Variants in ACOXL observed in about 807,000 individuals in gnomAD.
ACOXL encodes acyl-CoA oxidase like.
Under a neutral mutation model 71.9 loss-of-function variants are expected in ACOXL, and 70 were observed. The ratio of observed to expected loss-of-function variants is 0.97; its 90% CI spans 0.80 to 1.19. ACOXL has a LOEUF of 1.19. Ranked by LOEUF, ACOXL falls within the 50% of genes most tolerant of loss-of-function variation. The pLI, the probability that ACOXL is intolerant of heterozygous loss-of-function variation, is 0.00. For synonymous variants in ACOXL, 253 were observed against 281.6 expected (o/e 0.90, Z 1.02); for missense variants, 703 against 736.3 (o/e 0.95, Z 0.52).
chr2:110,948,703 TA>T (rs5833377), intron 12 of ACOXL, among the ~76,000 whole-genome samples: 16,771 of 70,824 alleles, frequency 0.24, 1,228 homozygotes, highest in South Asian at 0.28. Context: ...CCAGAAGAAC[TA>T]AAAAAAAAAA....
intron 11 of ACOXL, among the ~76,000 whole-genome samples, chr2:110,921,607 A>T (rs2060080659): frequency 6.6e-6 from 1 of 151,772 alleles, no homozygotes; most frequent in Non-Finnish European, 1.5e-5. Flanking sequence ...GTTAGCCAGG[A>T]TGGTCTCAAT....
At chr2:111,088,357 A>C (rs985374901) in intron 16 of ACOXL, among the ~76,000 whole-genome samples, 6 of 152,254 alleles carry the variant, frequency 3.9e-5, no homozygotes, top group Admixed American at 2.0e-4. Context: ...TGTTCACTGC[A>C]GCACCATTCA....
intron 16 of ACOXL, among the ~76,000 whole-genome samples, chr2:111,092,251 C>A (rs148760220): frequency 6.8e-4 from 104 of 152,170 alleles, no homozygotes; most frequent in African/African-American, 2.4e-3. Context: ...TATTGAATAT[C>A]GAGAGTTACG....
intron 9 of ACOXL, among the ~76,000 whole-genome samples, chr2:110,808,836 G>A (rs1686974354): frequency 6.6e-6 from 1 of 152,214 alleles, no homozygotes; most frequent in African/African-American, 2.4e-5. Context: ...AGCAACTCAT[G>A]TGCAATAGGT....
At chr2:111,029,533 T>G (rs745458651) in intron 14 of ACOXL, among the ~76,000 whole-genome samples, 6 of 152,258 alleles carry the variant, frequency 3.9e-5, no homozygotes, top group Non-Finnish European at 7.3e-5. Context: ...TGAGGATCAC[T>G]GTGAAGCCCG....
chr2:110,991,704 G>T (rs1366800653), intron 13 of ACOXL, among the ~76,000 whole-genome samples: 6 of 151,190 alleles, frequency 4.0e-5, no homozygotes, highest in Non-Finnish European at 7.4e-5. Flanking sequence ...TTTTTTTATT[G>T]CTGCTCAGGA....
chr2:110,768,112 A>G (rs1178756881), intron 1 of ACOXL, among the ~76,000 whole-genome samples: 1 of 152,172 alleles, frequency 6.6e-6, no homozygotes, highest in Non-Finnish European at 1.5e-5. Flanking sequence ...AGCCTAGGCA[A>G]CAGAGTGAGA....
At chr2:110,996,137 T>TA in intron 14 of ACOXL, 133 bp downstream of exon 14, 1 of 702,312 alleles carries the variant, frequency 1.4e-6, no homozygotes, top group Non-Finnish European at 2.4e-6. Context: ...CTAGAGTTCC[T>TA]ACGGGCCATT....
At chr2:110,899,596 G>C (rs1310870808) in intron 10 of ACOXL, among the ~76,000 whole-genome samples, 1 of 152,094 alleles carries the variant, frequency 6.6e-6, no homozygotes, top group African/African-American at 2.4e-5. Flanking sequence ...GATGACGGAA[G>C]GTGTTTCTTC....
intron 17 of ACOXL, among the ~76,000 whole-genome samples, chr2:111,116,936 GCCTT>G (rs1371221373): frequency 3.9e-5 from 6 of 152,172 alleles, no homozygotes; most frequent in Non-Finnish European, 8.8e-5. Context: ...TCTTATCCCT[GCCTT>G]CCAGTGGCTG....
chr2:111,017,402 C>T (rs1004004393), intron 14 of ACOXL, among the ~76,000 whole-genome samples: 5 of 152,244 alleles, frequency 3.3e-5, no homozygotes, highest in African/African-American at 7.2e-5. Flanking sequence ...TCAGACCACA[C>T]GCCCTCACCA....
chr2:111,012,110 TA>T (rs1460866922), intron 14 of ACOXL, among the ~76,000 whole-genome samples: 4 of 152,212 alleles, frequency 2.6e-5, no homozygotes, highest in African/African-American at 9.6e-5. Context: ...ACTATAGGCA[TA>T]CCTCATTTTA....
At chr2:110,867,667 C>T (rs951817343) in intron 10 of ACOXL, among the ~76,000 whole-genome samples, 6 of 152,128 alleles carry the variant, frequency 3.9e-5, no homozygotes. Context: ...TTTTGAATTC[C>T]AGGTGTCAAA....
chr2:110,794,272 GTGC>G, intron 5 of ACOXL, 98 bp downstream of exon 5: 4 of 1,164,592 alleles, frequency 3.4e-6, no homozygotes, highest in Non-Finnish European at 5.0e-6. Flanking sequence ...CCCTCTGTGT[GTGC>G]TCTCTGGCCC....
At chr2:110,843,690 C>G (rs929693634) in intron 10 of ACOXL, among the ~76,000 whole-genome samples, 1 of 152,220 alleles carries the variant, frequency 6.6e-6, no homozygotes, top group Admixed American at 6.5e-5. Context: ...CTCCAGCCCC[C>G]ACGTTCTGTG....
At chr2:110,907,683 C>T (rs964295240) in intron 10 of ACOXL, among the ~76,000 whole-genome samples, 21 of 152,250 alleles carry the variant, frequency 1.4e-4, no homozygotes, top group African/African-American at 4.6e-4. Context: ...TGCTTGCACG[C>T]GGCCTTCCTT....
At chr2:110,853,859 T>C (rs1411518939) in intron 10 of ACOXL, among the ~76,000 whole-genome samples, 1 of 151,884 alleles carries the variant, frequency 6.6e-6, no homozygotes, top group African/African-American at 2.4e-5. Flanking sequence ...TCTTCCTCTC[T>C]CCTCTCCTTT....
At chr2:110,831,907 C>G (rs557315568) in intron 9 of ACOXL, among the ~76,000 whole-genome samples, 22 of 152,034 alleles carry the variant, frequency 1.4e-4, no homozygotes, top group African/African-American at 5.1e-4. Flanking sequence ...AAGTCTTACA[C>G]CTTATATAAA....
At chr2:110,966,476 G>C (rs2149469333) in intron 12 of ACOXL, among the ~76,000 whole-genome samples, 2 of 152,320 alleles carry the variant, frequency 1.3e-5, no homozygotes, top group Middle Eastern at 3.4e-3. Flanking sequence ...CCAGTGAGGA[G>C]CTGAAGCTCT....
Sources: allele counts gnomAD v4.1 joint callset (sites outside exome capture counted in the v4.1 genomes callset), GRCh38; gene constraint gnomAD v4.1.1; transcripts MANE v1.5; gene names NCBI Gene and HGNC (gene_info 2026-07-23, HGNC 2026-07-21).